UBE2E2: variants seen among roughly 807,000 people sequenced by gnomAD.
The protein encoded by UBE2E2 is ubiquitin conjugating enzyme E2 E2.
UBE2E2 carries 6 observed loss-of-function variants against 24.7 expected under a neutral mutation model. That is an observed-to-expected ratio of 0.24 (90% CI 0.13 to 0.48). The LOEUF (loss-of-function observed/expected upper bound fraction) is 0.48, where lower values mean the gene tolerates loss of function less well. UBE2E2 is among the 20% of genes least tolerant of loss of function. The pLI is 0.99. For synonymous variants in UBE2E2, 104 were observed against 83.6 expected (o/e 1.24, Z -1.33); for missense variants, 169 against 245.0 (o/e 0.69, Z 2.07).
intron 3 of UBE2E2, among the ~76,000 whole-genome samples, chr3:23,409,065 G>T (rs975700967): frequency 2.0e-5 from 3 of 152,126 alleles, no homozygotes; most frequent in African/African-American, 4.8e-5. Flanking sequence ...AATTAAAGAG[G>T]ATGATTCTGA....
chr3:23,287,618 G>A (rs1353205425), intron 3 of UBE2E2, among the ~76,000 whole-genome samples: 1 of 151,896 alleles, frequency 6.6e-6, no homozygotes, highest in Non-Finnish European at 1.5e-5. Context: ...GGTCTGTTCA[G>A]GTTTTGGATT....
intron 3 of UBE2E2, among the ~76,000 whole-genome samples, chr3:23,223,826 T>C (rs915028950): frequency 1.3e-5 from 2 of 152,198 alleles, no homozygotes; most frequent in Admixed American, 6.5e-5. Flanking sequence ...TTTTTGTGTA[T>C]GGTGAGAGAT....
chr3:23,579,142 C>G (rs1481178020), intron 5 of UBE2E2, among the ~76,000 whole-genome samples: 8 of 152,116 alleles, frequency 5.3e-5, no homozygotes, highest in Non-Finnish European at 5.9e-5. Context: ...CCTATAATCC[C>G]AGCACTTTGG....
chr3:23,264,054 C>A (rs1402885269), intron 3 of UBE2E2, among the ~76,000 whole-genome samples: 1 of 152,080 alleles, frequency 6.6e-6, no homozygotes, highest in Non-Finnish European at 1.5e-5. Context: ...TTACATAATT[C>A]TTACATTAAT....
chr3:23,508,205 T>C (rs190120552), intron 4 of UBE2E2, among the ~76,000 whole-genome samples: 3 of 152,356 alleles, frequency 2.0e-5, no homozygotes, highest in African/African-American at 7.2e-5. Flanking sequence ...TAAAAATTGA[T>C]CAAAATGGTG....
chr3:23,279,455 A>T (rs936365857), intron 3 of UBE2E2, among the ~76,000 whole-genome samples: 10 of 152,188 alleles, frequency 6.6e-5, no homozygotes, highest in Admixed American at 4.6e-4. Flanking sequence ...GTGAATGTTT[A>T]CAGGGAAAGT....
At chr3:23,500,974 G>A (rs1440502755) in intron 4 of UBE2E2, among the ~76,000 whole-genome samples, 1 of 152,112 alleles carries the variant, frequency 6.6e-6, no homozygotes, top group Admixed American at 6.6e-5. Context: ...ACCACCAAGA[G>A]CTTGCATTTG....
intron 3 of UBE2E2, among the ~76,000 whole-genome samples, chr3:23,342,609 G>GT (rs774097431): frequency 1.5e-3 from 233 of 152,212 alleles, no homozygotes; most frequent in Admixed American, 3.3e-3. Context: ...GTACACCAAT[G>GT]TATTTGTTTG....
chr3:23,279,513 C>T (rs972182399), intron 3 of UBE2E2, among the ~76,000 whole-genome samples: 18 of 152,110 alleles, frequency 1.2e-4, no homozygotes, highest in African/African-American at 3.6e-4. Flanking sequence ...ATTCTATATT[C>T]ACTTTGGGGT....
intron 3 of UBE2E2, among the ~76,000 whole-genome samples, chr3:23,302,618 G>C (rs1394326498): frequency 1.1e-4 from 17 of 152,186 alleles, no homozygotes; most frequent in Non-Finnish European, 5.9e-5. Flanking sequence ...GTAGGCATCA[G>C]CTAATCATCT....
intron 3 of UBE2E2, among the ~76,000 whole-genome samples, chr3:23,251,890 A>G (rs1575504749): frequency 6.6e-6 from 1 of 152,240 alleles, no homozygotes; most frequent in East Asian, 1.9e-4. Context: ...CATTAGAGGA[A>G]AATAAAGCCA....
chr3:23,300,320 G>A (rs1699036503), intron 3 of UBE2E2, among the ~76,000 whole-genome samples: 1 of 152,136 alleles, frequency 6.6e-6, no homozygotes, highest in Non-Finnish European at 1.5e-5. Context: ...ATTTGATCCT[G>A]TCATTATGAT....
intron 3 of UBE2E2, among the ~76,000 whole-genome samples, chr3:23,397,823 G>A (rs1697115231): frequency 1.3e-5 from 2 of 152,098 alleles, no homozygotes; most frequent in Admixed American, 6.5e-5. Context: ...TCCAGGAGAT[G>A]CCTGTTTCTT....
At chr3:23,273,382 T>C (rs1698299529) in intron 3 of UBE2E2, among the ~76,000 whole-genome samples, 1 of 151,732 alleles carries the variant, frequency 6.6e-6, no homozygotes, top group Non-Finnish European at 1.5e-5. Flanking sequence ...AAAAAAAAAA[T>C]TAGCCGGGCG....
intron 3 of UBE2E2, among the ~76,000 whole-genome samples, chr3:23,344,426 G>T (rs1453062621): frequency 4.6e-5 from 7 of 151,918 alleles, no homozygotes; most frequent in Admixed American, 3.9e-4. Flanking sequence ...TGTAATTTGG[G>T]GCAGATTTTA....
At chr3:23,588,918 G>A (rs756008640) in intron 5 of UBE2E2, among the ~76,000 whole-genome samples, 29 of 152,110 alleles carry the variant, frequency 1.9e-4, no homozygotes, top group Non-Finnish European at 3.2e-4. Context: ...AAATTTTGAG[G>A]AAGAAGTGGA....
rs373733236 is a variant in UBE2E2, at chr3:23,455,598, G to A, written c.228-44010G>A. ...AATTTTTTAAGTTTTCAGCTTAGGCGGAGGATCACTTGAGCCCAGGAGTTC... is the reference window on the plus strand; with the variant it reads ...AATTTTTTAAGTTTTCAGCTTAGGCAGAGGATCACTTGAGCCCAGGAGTTC... On this transcript the variant is annotated intron_variant, in intron 3 of 5. Coordinates refer to ENST00000396703, the MANE Select transcript of UBE2E2 (RefSeq NM_152653.4). 9.4e-4 allele frequency among the ~76,000 whole-genome samples: 143 copies of A among 152,116 alleles called. 1 individual carries two copies. The highest frequency in any genetic ancestry group is 1.5e-3 in the Non-Finnish European group (104 of 67,984).
intron 3 of UBE2E2, among the ~76,000 whole-genome samples, chr3:23,368,409 G>A (rs192104984): frequency 2.0e-5 from 3 of 152,212 alleles, no homozygotes; most frequent in Admixed American, 2.0e-4. Context: ...CAGGAAATTC[G>A]TAGAGGCAAT....
intron 5 of UBE2E2, among the ~76,000 whole-genome samples, chr3:23,554,592 C>T (rs1695729380): frequency 6.6e-6 from 1 of 152,074 alleles, no homozygotes; most frequent in Non-Finnish European, 1.5e-5. Flanking sequence ...GATAAAAGAC[C>T]TGAATGTAAC....
Sources: allele counts gnomAD v4.1 joint callset (sites outside exome capture counted in the v4.1 genomes callset), GRCh38; gene constraint gnomAD v4.1.1; transcripts MANE v1.5; gene names NCBI Gene and HGNC (gene_info 2026-07-23, HGNC 2026-07-21).